Variants in SEMA3A observed in about 807,000 individuals in gnomAD.
The protein encoded by SEMA3A is semaphorin-3A.
SEMA3A carries 29 observed loss-of-function variants against 97.9 expected under a neutral mutation model. The observed-to-expected ratio is 0.30, with a 90% CI of 0.22 to 0.40. The LOEUF (loss-of-function observed/expected upper bound fraction) is 0.40, where lower values mean the gene tolerates loss of function less well. SEMA3A is among the 10% of genes least tolerant of loss of function. The pLI is 1.00. For missense variants in SEMA3A, 763 were observed against 951.3 expected (o/e 0.80, Z 2.60); for synonymous variants, 321 against 323.7 (o/e 0.99, Z 0.09).
At chr7:84,158,640 G>C (rs534169146) in intron 1 of SEMA3A, among the ~76,000 whole-genome samples, 1 of 152,252 alleles carries the variant, frequency 6.6e-6, no homozygotes, top group East Asian at 1.9e-4. Flanking sequence ...CATTTGGGTA[G>C]TGCCATGTAT....
Position 83,998,538 on chromosome 7 carries a change from A to AGACT in SEMA3A, c.1452+3413_1452+3416dup, listed in dbSNP as rs569871724. Reference sequence around the variant, plus strand: ...CTAGGACATTGCTATACACTACTGCAGACTTTATAGTCGCCATACACTTAG... The same window carrying AGACT: ...CTAGGACATTGCTATACACTACTGCAGACTGACTTTATAGTCGCCATACACTTAG... On this transcript the variant is annotated intron_variant, in intron 12 of 16. Transcript: ENST00000265362. Among the ~76,000 whole-genome samples, 285 of 152,300 alleles carry AGACT rather than the reference A, an allele frequency of 1.9e-3. 1 individual carries two copies. The highest frequency in any genetic ancestry group is 6.2e-3 in the African/African-American group (256 of 41,562).
chr7:84,076,955 G>A (rs923603886), intron 4 of SEMA3A, among the ~76,000 whole-genome samples: 4 of 152,116 alleles, frequency 2.6e-5, no homozygotes, highest in Non-Finnish European at 5.9e-5. Context: ...GAAAGCATGT[G>A]TGTTCAAACT....
At chr7:84,074,912 A>T (rs1056161978) in intron 4 of SEMA3A, among the ~76,000 whole-genome samples, 1 of 152,086 alleles carries the variant, frequency 6.6e-6, no homozygotes, top group Non-Finnish European at 1.5e-5. Flanking sequence ...AATGCATTTT[A>T]CCTATTTAAT....
At chr7:84,275,205 A>T (rs1182761934) in intron 3 of SEMA3A, among the ~76,000 whole-genome samples, 1 of 152,128 alleles carries the variant, frequency 6.6e-6, no homozygotes, top group Non-Finnish European at 1.5e-5. Context: ...AGGAAATATA[A>T]TAATGACATC....
intron 3 of SEMA3A, among the ~76,000 whole-genome samples, chr7:84,257,411 G>A (rs984240353): frequency 6.6e-6 from 1 of 151,990 alleles, no homozygotes; most frequent in African/African-American, 2.4e-5. Flanking sequence ...TTAGGAAACC[G>A]GGACCATAAT....
intron 3 of SEMA3A, among the ~76,000 whole-genome samples, chr7:84,291,227 AT>A (rs969922521): frequency 7.2e-5 from 11 of 152,196 alleles, no homozygotes; most frequent in African/African-American, 2.2e-4. Flanking sequence ...TACATAAATA[AT>A]TTTTTAGGTA....
chr7:84,441,567 G>A (rs1381066183), intron 1 of SEMA3A, among the ~76,000 whole-genome samples: 1 of 151,798 alleles, frequency 6.6e-6, no homozygotes, highest in African/African-American at 2.4e-5. Context: ...ACACCATCAG[G>A]CAGACCAACA....
intron 1 of SEMA3A, among the ~76,000 whole-genome samples, chr7:84,181,908 GA>G: frequency 6.6e-6 from 1 of 152,090 alleles, no homozygotes; most frequent in Non-Finnish European, 1.5e-5. Context: ...GAGTACCTCA[GA>G]AACTTAGTCA....
chr7:84,296,028 ACAAT>A (rs1291630817), intron 3 of SEMA3A, among the ~76,000 whole-genome samples: 3 of 152,164 alleles, frequency 2.0e-5, no homozygotes, highest in Non-Finnish European at 4.4e-5. Context: ...ATTTAATCAC[ACAAT>A]CAAGTTACTA....
chr7:84,049,319 C>T (rs549611941), intron 5 of SEMA3A, among the ~76,000 whole-genome samples: 9 of 152,152 alleles, frequency 5.9e-5, no homozygotes, highest in East Asian at 1.9e-4. Flanking sequence ...TGTCAGTAAA[C>T]TATTTAGTTG....
At chr7:84,174,862 A>G (rs998147136) in intron 1 of SEMA3A, among the ~76,000 whole-genome samples, 6 of 152,214 alleles carry the variant, frequency 3.9e-5, no homozygotes, top group African/African-American at 1.2e-4. Flanking sequence ...GGAAAAGAAA[A>G]AAAATTCTTG....
At chr7:84,194,796 G>T (rs78303093), upstream of SEMA3A, 69 of 158,188 alleles carry the variant, frequency 4.4e-4, no homozygotes, top group Middle Eastern at 1.8e-3. Flanking sequence ...CCTCCAAAAA[G>T]AAAAAAAAAA....
At chr7:84,312,736 TATCATTTTAATTAGGCCTAATTAA>T (rs199689991) in intron 2 of SEMA3A, among the ~76,000 whole-genome samples, 3,705 of 149,378 alleles carry the variant, frequency 0.025, 161 homozygotes, top group African/African-American at 0.087. Context: ...TATGCTTTGC[TATCATTTTAATTAGGCCTAATTAA>T]ATCATTTTAA....
chr7:84,219,379 AG>A, intron 3 of SEMA3A, among the ~76,000 whole-genome samples: 3 of 152,168 alleles, frequency 2.0e-5, no homozygotes, highest in Non-Finnish European at 4.4e-5. Flanking sequence ...GATCTTATTA[AG>A]GCTTTCGGTA....
At chr7:84,358,103 G>A (rs1177995243) in intron 2 of SEMA3A, among the ~76,000 whole-genome samples, 5 of 152,096 alleles carry the variant, frequency 3.3e-5, no homozygotes, top group South Asian at 2.1e-4. Flanking sequence ...TCACACTGAC[G>A]GTAGTTTATT....
chr7:84,156,056 ATT>A (rs1246363379), intron 1 of SEMA3A, among the ~76,000 whole-genome samples: 1 of 152,078 alleles, frequency 6.6e-6, no homozygotes. Context: ...AATGATTCCA[ATT>A]TTTTAAAGTT....
chr7:84,465,650 C>G (rs1295072091), intron 1 of SEMA3A, among the ~76,000 whole-genome samples: 2 of 152,050 alleles, frequency 1.3e-5, no homozygotes, highest in African/African-American at 4.8e-5. Flanking sequence ...CTTGATTTAT[C>G]TTTATTTAAT....
chr7:83,969,939 C>T (rs1003489921), intron 15 of SEMA3A, among the ~76,000 whole-genome samples: 1 of 152,138 alleles, frequency 6.6e-6, no homozygotes, highest in African/African-American at 2.4e-5. Flanking sequence ...AGAAAGCAAT[C>T]TCATTTTAAA....
chr7:84,432,536 C>T (rs1305279255), intron 1 of SEMA3A, among the ~76,000 whole-genome samples: 1 of 152,072 alleles, frequency 6.6e-6, no homozygotes, highest in Non-Finnish European at 1.5e-5. Flanking sequence ...CTTCACATCT[C>T]CCTCCCTCCT....
Sources: allele counts gnomAD v4.1 joint callset (sites outside exome capture counted in the v4.1 genomes callset), GRCh38; gene constraint gnomAD v4.1.1; transcripts MANE v1.5; gene names NCBI Gene and HGNC (gene_info 2026-07-23, HGNC 2026-07-21).